FBXW11: variants seen among roughly 807,000 people sequenced by gnomAD.
The protein encoded by FBXW11 is F-box and WD repeat domain containing 11.
A neutral mutation model predicts 77.6 loss-of-function variants in FBXW11; 19 were observed. The observed-to-expected ratio is 0.24, with a 90% CI of 0.17 to 0.36. FBXW11 has a LOEUF of 0.36. FBXW11 is among the 10% of genes least tolerant of loss of function. FBXW11 has a pLI of 1.00. For missense variants in FBXW11, 334 were observed against 704.2 expected, an observed-to-expected ratio of 0.47 and a Z score of 5.95; for synonymous variants, 235 against 249.4, an observed-to-expected ratio of 0.94 and a Z score of 0.54.
chr5:171,969,184 T>C (rs1237220254), intron 1 of FBXW11, among the ~76,000 whole-genome samples: 1 of 152,148 alleles, frequency 6.6e-6, no homozygotes, highest in African/African-American at 2.4e-5. Context: ...AGAAGAATCA[T>C]GTGAACCCAG....
chr5:171,894,542 G>C (rs978534217), intron 6 of FBXW11, among the ~76,000 whole-genome samples: 2 of 152,140 alleles, frequency 1.3e-5, no homozygotes, highest in Admixed American at 1.3e-4. Flanking sequence ...GCTTTGCTGC[G>C]CACCAATCCT....
At chr5:171,972,923 G>A (rs191374783) in intron 1 of FBXW11, among the ~76,000 whole-genome samples, 3 of 152,128 alleles carry the variant, frequency 2.0e-5, no homozygotes, top group Non-Finnish European at 2.9e-5. Flanking sequence ...AACCACCTGT[G>A]GACATTCCAG....
At chr5:171,882,358 T>C (rs774452004) in intron 7 of FBXW11, among the ~76,000 whole-genome samples, 2 of 152,156 alleles carry the variant, frequency 1.3e-5, no homozygotes, top group Non-Finnish European at 2.9e-5. Context: ...TGAAATACAG[T>C]GACACAATCA....
At chr5:171,868,354 T>C (rs1167405449) in intron 13 of FBXW11, among the ~76,000 whole-genome samples, 1 of 152,096 alleles carries the variant, frequency 6.6e-6, no homozygotes, top group South Asian at 2.1e-4. Flanking sequence ...AGAAATCATT[T>C]AGGAACAGTT....
At chr5:171,903,583 A>T (rs1760280947) in intron 4 of FBXW11, among the ~76,000 whole-genome samples, 1 of 152,154 alleles carries the variant, frequency 6.6e-6, no homozygotes, top group African/African-American at 2.4e-5. Context: ...TAACAGACTT[A>T]GCTCTTTCAA....
At position 171,992,534 on chromosome 5, in the gene FBXW11, GAAGGA is replaced by G. The variant is rs537926581; in HGVS notation, c.45+13919_45+13923del. Among the ~76,000 whole-genome samples, 566 of 151,972 alleles carry G rather than the reference GAAGGA, an allele frequency of 3.7e-3. 3 individuals carry two copies. The highest frequency in any genetic ancestry group is 0.012 in the African/African-American group (498 of 41,428). On this transcript the variant is annotated intron_variant, in intron 1 of 13. Coordinates refer to ENST00000517395, the MANE Select transcript of FBXW11 (RefSeq NM_001378974.1). ...AGAAAGAGAAAGAGAAAAAGAAAAA[GAAGGA>G]AAGGAAAGGAAAGGAAGAGAGGAGA... is the stretch of plus-strand genomic sequence containing the variant.
At chr5:171,951,040 T>C (rs991760949) in intron 2 of FBXW11, among the ~76,000 whole-genome samples, 6 of 152,060 alleles carry the variant, frequency 3.9e-5, no homozygotes, top group Non-Finnish European at 8.8e-5. Flanking sequence ...AGGAAGGGAT[T>C]AGAAGGGAGA....
intron 7 of FBXW11, among the ~76,000 whole-genome samples, chr5:171,878,601 AGAGT>A (rs1426356196): frequency 1.4e-5 from 1 of 69,106 alleles, no homozygotes; most frequent in African/African-American, 4.2e-5. Flanking sequence ...TAAGAGAGAG[AGAGT>A]GTGTGTGTGT....
intron 4 of FBXW11, among the ~76,000 whole-genome samples, chr5:171,909,832 A>C (rs1325803403): frequency 1.3e-5 from 2 of 152,130 alleles, no homozygotes; most frequent in Non-Finnish European, 2.9e-5. Flanking sequence ...CAGTTTTCCC[A>C]ATGTATTTTT....
At chr5:171,979,650 C>T (rs191451853) in intron 1 of FBXW11, among the ~76,000 whole-genome samples, 33 of 152,162 alleles carry the variant, frequency 2.2e-4, no homozygotes, top group Non-Finnish European at 3.8e-4. Flanking sequence ...TGATCCCTAC[C>T]GCAACCATAA....
intron 1 of FBXW11, among the ~76,000 whole-genome samples, chr5:171,961,185 T>C (rs1026260144): frequency 4.6e-5 from 7 of 152,040 alleles, no homozygotes; most frequent in Non-Finnish European, 8.8e-5. Context: ...GAGGCAAGAG[T>C]ACTCTTCACT....
intron 9 of FBXW11, among the ~76,000 whole-genome samples, 199 bp from the exon 10 acceptor site, chr5:171,873,189 G>A (rs1281219320): frequency 6.6e-6 from 1 of 152,136 alleles, no homozygotes; most frequent in Non-Finnish European, 1.5e-5. Context: ...TAATAACACT[G>A]GAATGAAACA....
intron 6 of FBXW11, among the ~76,000 whole-genome samples, chr5:171,893,259 T>A (rs1759480289): frequency 6.6e-6 from 1 of 151,682 alleles, no homozygotes; most frequent in South Asian, 2.1e-4. Context: ...GGCAGGATGG[T>A]ATATTTCCAA....
intron 2 of FBXW11, among the ~76,000 whole-genome samples, chr5:171,948,143 G>A (rs1461832653): frequency 6.7e-6 from 1 of 149,470 alleles, no homozygotes; most frequent in African/African-American, 2.5e-5. Flanking sequence ...GCTGAGGCAG[G>A]AGAATCGCTT....
At chr5:171,992,211 C>G (rs915184670) in intron 1 of FBXW11, among the ~76,000 whole-genome samples, 5 of 151,480 alleles carry the variant, frequency 3.3e-5, no homozygotes, top group Admixed American at 2.0e-4. Flanking sequence ...AGGCAGACCA[C>G]AAGGTCAGCA....
At chr5:171,864,402 G>C (rs547844740) in intron 13 of FBXW11, among the ~76,000 whole-genome samples, 6 of 152,192 alleles carry the variant, frequency 3.9e-5, no homozygotes, top group African/African-American at 1.4e-4. Context: ...GGGATTCAAG[G>C]AGAGGGCTGA....
intron 2 of FBXW11, 65 bp downstream of exon 2, chr5:171,957,532 C>A: frequency 1.5e-6 from 2 of 1,349,506 alleles, no homozygotes; most frequent in Non-Finnish European, 2.1e-6. Flanking sequence ...CACACTACTG[C>A]AAGTTTCAAC....
intron 2 of FBXW11, among the ~76,000 whole-genome samples, chr5:171,934,601 C>G (rs767096287): frequency 8.0e-5 from 12 of 149,950 alleles, no homozygotes; most frequent in Non-Finnish European, 1.6e-4. Flanking sequence ...TGCTTGAACC[C>G]GGGAGGCAGA....
At chr5:171,867,377 T>C (rs1387612420) in intron 13 of FBXW11, among the ~76,000 whole-genome samples, 2 of 152,012 alleles carry the variant, frequency 1.3e-5, no homozygotes, top group East Asian at 3.8e-4. Context: ...ATTTAATTAC[T>C]GCATGTCATG....
Sources: gnomAD v4.1 joint callset for allele counts (sites outside exome capture counted in the v4.1 genomes callset) on GRCh38, gnomAD v4.1.1 for gene constraint, MANE v1.5 for transcripts, NCBI Gene and HGNC (gene_info 2026-07-23, HGNC 2026-07-21) for gene names.